The following DMXL1 variants were observed in gnomAD, a reference collection of about 807,000 sequenced individuals.
DMXL1 encodes the protein dmX-like protein 1.
DMXL1 carries 99 observed loss-of-function variants against 319.2 expected under a neutral mutation model. The ratio of observed to expected loss-of-function variants is 0.31; its 90% CI spans 0.26 to 0.37. The LOEUF (loss-of-function observed/expected upper bound fraction) is 0.37, where lower values mean the gene tolerates loss of function less well. DMXL1 is among the 10% of genes least tolerant of loss of function. The probability of loss-of-function intolerance (pLI) is 1.00; values close to 1 mark genes in which losing one functional copy is unlikely to be tolerated. For synonymous variants in DMXL1, 1,385 were observed against 1,235.2 expected (o/e 1.12, Z -2.54); for missense variants, 3,745 against 3,595.6 (o/e 1.04, Z -1.06).
intron 28 of DMXL1, among the ~76,000 whole-genome samples, chr5:119,180,675 T>A (rs1776624138): frequency 6.6e-6 from 1 of 152,206 alleles, no homozygotes. Flanking sequence ...TAGATTTTTT[T>A]AAAAGACTAA....
chr5:119,238,017 C>T (rs944745678), intron 40 of DMXL1, among the ~76,000 whole-genome samples: 1 of 151,986 alleles, frequency 6.6e-6, no homozygotes, highest in Non-Finnish European at 1.5e-5. Context: ...TGCTAGAATA[C>T]AGTACTGATC....
intron 28 of DMXL1, among the ~76,000 whole-genome samples, chr5:119,187,901 C>G (rs1778027055): frequency 6.6e-6 from 1 of 152,166 alleles, no homozygotes; most frequent in African/African-American, 2.4e-5. Flanking sequence ...GGTGATCTGC[C>G]CACCTCTGCC....
At chr5:119,119,668 C>T (rs1301191680) in intron 8 of DMXL1, among the ~76,000 whole-genome samples, 1 of 151,800 alleles carries the variant, frequency 6.6e-6, no homozygotes, top group Non-Finnish European at 1.5e-5. Flanking sequence ...CATCACCACG[C>T]CCAGCTAATT....
At chr5:119,122,964 G>A (rs755978211) in intron 9 of DMXL1, among the ~76,000 whole-genome samples, 16 of 152,192 alleles carry the variant, frequency 1.1e-4, no homozygotes, top group Non-Finnish European at 2.1e-4. Flanking sequence ...GCTGGGAGGT[G>A]GAGGTTGTAG....
intron 13 of DMXL1, among the ~76,000 whole-genome samples, chr5:119,137,239 C>CAA (rs1766212699): frequency 6.6e-6 from 1 of 152,190 alleles, no homozygotes; most frequent in Admixed American, 6.5e-5. Context: ...GGGCTTATGG[C>CAA]CCCTTTGTTT....
At chr5:119,190,753 A>G (rs1226769840) in intron 29 of DMXL1, among the ~76,000 whole-genome samples, 1 of 152,248 alleles carries the variant, frequency 6.6e-6, no homozygotes, top group Non-Finnish European at 1.5e-5. Context: ...GTGAAAGTGA[A>G]CTTATAAATG....
chr5:119,180,061 T>C (rs1205276131), intron 28 of DMXL1, among the ~76,000 whole-genome samples: 1 of 152,202 alleles, frequency 6.6e-6, no homozygotes, highest in Non-Finnish European at 1.5e-5. Flanking sequence ...GAAAACATTA[T>C]TTATTTGTTG....
intron 19 of DMXL1, among the ~76,000 whole-genome samples, chr5:119,162,925 G>A (rs2150214706): frequency 6.6e-6 from 1 of 152,214 alleles, no homozygotes; most frequent in East Asian, 1.9e-4. Context: ...GTGATTCCTT[G>A]CTTGGCTTAG....
intron 1 of DMXL1, among the ~76,000 whole-genome samples, chr5:119,082,219 A>G (rs776653519): frequency 1.3e-5 from 2 of 152,164 alleles, no homozygotes; most frequent in East Asian, 3.9e-4. Flanking sequence ...TTAAACAGTC[A>G]TGCTACCTCA....
intron 15 of DMXL1, 55 bp from the exon 16 acceptor site, chr5:119,146,782 G>C: frequency 6.8e-7 from 1 of 1,480,558 alleles, no homozygotes. Flanking sequence ...GGCATGTTTA[G>C]CAAGTTGTCT....
intron 38 of DMXL1, among the ~76,000 whole-genome samples, chr5:119,231,516 A>G (rs1019057385): frequency 3.3e-5 from 5 of 152,180 alleles, no homozygotes; most frequent in African/African-American, 1.2e-4. Flanking sequence ...CAAGGGGCCT[A>G]CCAGGAGGTA....
chr5:119,092,935 T>G (rs551803504), intron 1 of DMXL1, among the ~76,000 whole-genome samples: 7 of 152,350 alleles, frequency 4.6e-5, no homozygotes, highest in African/African-American at 1.7e-4. Context: ...TTGTGGCCAT[T>G]ATGAATAATG....
At chr5:119,155,914 C>A (rs1581061836) in intron 19 of DMXL1, among the ~76,000 whole-genome samples, 1 of 151,482 alleles carries the variant, frequency 6.6e-6, no homozygotes. Flanking sequence ...AAGGTGGAAT[C>A]TATTCCTGGT....
intron 9 of DMXL1, among the ~76,000 whole-genome samples, chr5:119,124,188 A>G (rs1762956237): frequency 6.6e-6 from 1 of 151,572 alleles, no homozygotes; most frequent in African/African-American, 2.4e-5. Context: ...GGTGGCAGGC[A>G]CCTGTAGTCC....
intron 27 of DMXL1, 83 bp from the exon 28 acceptor site, chr5:119,177,913 T>C: frequency 7.8e-7 from 1 of 1,274,496 alleles, no homozygotes; most frequent in Admixed American, 2.9e-5. Flanking sequence ...ATACATTTTT[T>C]CCTGAAATTA....
intron 19 of DMXL1, among the ~76,000 whole-genome samples, chr5:119,161,709 T>C (rs1772312783): frequency 6.6e-6 from 1 of 152,148 alleles, no homozygotes; most frequent in Admixed American, 6.5e-5. Context: ...TGCTGAAATA[T>C]GCTGAGGTAG....
Position 119,197,803 on chromosome 5 carries a change from A to T in DMXL1, c.7592A>T (p.Gln2531Leu), listed in dbSNP as rs924322148. Residue 2531 changes from glutamine (Q) to leucine (L), a missense_variant, in exon 32 of 44, where the codon CAA (glutamine) becomes CTA (leucine). Coordinates refer to ENST00000539542, the MANE Select transcript of DMXL1 (RefSeq NM_001290321.3). Reference protein sequence around the residue: ...PLCHAVLKTLQCWEQVLLRRL... With the variant: ...PLCHAVLKTLLCWEQVLLRRL... ...TGTCATGCGGTTCTAAAAACTCTTCAATGTTGGGAACAAGTTCTTCTCCGA... is the reference window on the plus strand; with the variant it reads ...TGTCATGCGGTTCTAAAAACTCTTCTATGTTGGGAACAAGTTCTTCTCCGA... The T allele has an allele frequency of 3.1e-6, 5 of 1,614,014 alleles. No homozygotes were observed. The highest frequency in any genetic ancestry group is 4.2e-6 in the Non-Finnish European group (5 of 1,180,014).
rs988840483 is a variant in DMXL1, at chr5:119,247,962, T to A, written c.*743T>A. On this transcript the variant is annotated 3_prime_UTR_variant, in exon 44 of 44. Transcript: ENST00000539542. The stretch of plus-strand genomic sequence containing the variant: ...AACTGTGCTTTTCATTTTTAAAAAA[T>A]TTTTGAATTCCCATCCTAATTTTCA... The A allele has an allele frequency of 6.6e-6, 1 of 152,108 alleles. No homozygotes were observed. The highest frequency in any genetic ancestry group is 2.4e-5 in the African/African-American group (1 of 41,446). The allele number at this position is 152,108 out of a possible 1,614,324, so 9.4% of individuals were successfully genotyped here. A position where few individuals can be genotyped will look rare whatever the true frequency, so the allele number is the denominator to read the frequency against.
chr5:119,170,524 G>T lies in DMXL1; in HGVS notation c.5733G>T (p.Lys1911Asn), dbSNP rs1256824187. ...ACTGTTCTCCTTCTTCTCCATTAAA[G>T]TTGGATGCAAGGGAAGATAAGTCTT... ...SKDCSPSSPL[K>N]LDAREDKSSA... Residue 1911 changes from lysine to asparagine, a missense_variant, in exon 24 of 44, where the codon AAG becomes AAT. Physicochemically the swap from Lys to Asn is moderately conservative, Grantham distance 94. Coordinates refer to ENST00000539542, the MANE Select transcript of DMXL1 (RefSeq NM_001290321.3). The T allele has an allele frequency of 6.2e-7, 1 of 1,613,750 alleles. No individual in the cohort carries two copies. The highest frequency in any genetic ancestry group is 1.3e-5 in the African/African-American group (1 of 74,982).
Sources: allele counts gnomAD v4.1 joint callset (sites outside exome capture counted in the v4.1 genomes callset), GRCh38; gene constraint gnomAD v4.1.1; transcripts MANE v1.5; gene names NCBI Gene and HGNC (gene_info 2026-07-23, HGNC 2026-07-21).